The following EPS15L1 variants were observed in gnomAD, a reference collection of about 807,000 sequenced individuals.
EPS15L1 encodes epidermal growth factor receptor substrate 15-like 1.
In EPS15L1, 43 loss-of-function variants were observed where a neutral mutation model predicts 117.1. The observed-to-expected ratio is 0.37, with a 90% CI of 0.29 to 0.47. The LOEUF is 0.47. Ranked by LOEUF, EPS15L1 falls within the 20% of genes least tolerant of loss-of-function variation. The probability of loss-of-function intolerance (pLI) is 0.99; values close to 1 mark genes in which losing one functional copy is unlikely to be tolerated. For missense variants in EPS15L1, 981 were observed against 1,164.0 expected (o/e 0.84, Z 2.29); for synonymous variants, 459 against 470.5 (o/e 0.98, Z 0.32).
At chr19:16,416,641 T>TAA (rs765054072) in intron 12 of EPS15L1, among the ~76,000 whole-genome samples, 3 of 128,446 alleles carry the variant, frequency 2.3e-5, no homozygotes, top group East Asian at 2.2e-4. Flanking sequence ...TGTCTCAAAT[T>TAA]AAAAAAAAAA....
At chr19:16,417,040 A>G (rs771218910) in intron 12 of EPS15L1, among the ~76,000 whole-genome samples, 1 of 152,184 alleles carries the variant, frequency 6.6e-6, no homozygotes, top group Non-Finnish European at 1.5e-5. Flanking sequence ...CAATTGCCCT[A>G]GCTGTCAAGG....
intron 1 of EPS15L1, among the ~76,000 whole-genome samples, chr19:16,448,556 G>A (rs566809924): frequency 7.2e-6 from 1 of 138,342 alleles, no homozygotes; most frequent in South Asian, 2.3e-4. Context: ...AAGGGGGGGG[G>A]AGAAAGGCCG....
chr19:16,431,791 A>C (rs536544769), intron 7 of EPS15L1, among the ~76,000 whole-genome samples: 1 of 152,364 alleles, frequency 6.6e-6, no homozygotes, highest in East Asian at 1.9e-4. Context: ...GCATGTATCA[A>C]ACCACCACGT....
At chr19:16,392,608 A>C (rs1280409390) in intron 18 of EPS15L1, among the ~76,000 whole-genome samples, 168 bp from the exon 19 acceptor site, 3 of 152,206 alleles carry the variant, frequency 2.0e-5, no homozygotes, top group African/African-American at 7.2e-5. Flanking sequence ...GAGAGGGTGG[A>C]GGGTGACAAC....
At chr19:16,469,327 G>C (rs985982598) in intron 1 of EPS15L1, among the ~76,000 whole-genome samples, 8 of 152,156 alleles carry the variant, frequency 5.3e-5, no homozygotes, top group African/African-American at 1.9e-4. Context: ...AGACCGACGG[G>C]CTCCAGTGTT....
rs528087661 is a variant in EPS15L1 at position 16,370,767 on chromosome 19, C to T, written c.2380+6355G>A. 6.6e-6 allele frequency among the ~76,000 whole-genome samples: 1 copy of T among 152,218 alleles called. No individual in the cohort carries two copies. The highest frequency in any genetic ancestry group is 2.4e-5 in the African/African-American group (1 of 41,454). On this transcript the variant is annotated intron_variant, in intron 22 of 23. Transcript: ENST00000455140. The surrounding 1 kb of genome is among the most constrained non-coding windows in gnomAD (Gnocchi z 5.2). ...CTCAGAGTGGGACCGTTCCTTGGCACCGTCAGCAGGTCCCACCCAGCCCTA... is the reference window on the plus strand; with the variant it reads ...CTCAGAGTGGGACCGTTCCTTGGCATCGTCAGCAGGTCCCACCCAGCCCTA...
chr19:16,461,693 T>TTGA (rs1173956570), intron 1 of EPS15L1, among the ~76,000 whole-genome samples: 1 of 152,148 alleles, frequency 6.6e-6, no homozygotes, highest in Non-Finnish European at 1.5e-5. Context: ...GGCACACTTG[T>TTGA]TGATGTCACT....
intron 17 of EPS15L1, among the ~76,000 whole-genome samples, chr19:16,394,213 A>G (rs2092515356): frequency 6.6e-6 from 1 of 152,194 alleles, no homozygotes; most frequent in Non-Finnish European, 1.5e-5. Flanking sequence ...GTTTCTGGCT[A>G]GGATGTTTAA....
chr19:16,441,118 T>C, intron 3 of EPS15L1: 1 of 605,482 alleles, frequency 1.7e-6, no homozygotes, highest in South Asian at 1.8e-5. Context: ...CCAGAGGACA[T>C]CCAGGTGCAC....
At chr19:16,413,172 C>T in intron 13 of EPS15L1, 1 of 660,844 alleles carries the variant, frequency 1.5e-6, no homozygotes, top group Non-Finnish European at 2.8e-6. Context: ...ACTGGCCAAG[C>T]TCTCCATTGT....
chr19:16,470,876 C>T (rs1304853889), intron 1 of EPS15L1, among the ~76,000 whole-genome samples: 1 of 152,132 alleles, frequency 6.6e-6, no homozygotes. Flanking sequence ...GTTCTAAGCG[C>T]TTTTTCACGT....
At chr19:16,382,752 T>G (rs2092377041) in intron 21 of EPS15L1, among the ~76,000 whole-genome samples, 1 of 152,156 alleles carries the variant, frequency 6.6e-6, no homozygotes, top group Non-Finnish European at 1.5e-5. Flanking sequence ...GGCTTGATAC[T>G]GTCTAGAAAA....
chr19:16,366,729 G>A (rs1455901641), intron 22 of EPS15L1, among the ~76,000 whole-genome samples: 4 of 152,132 alleles, frequency 2.6e-5, no homozygotes, highest in Admixed American at 6.5e-5. Flanking sequence ...GAGGTCAGCC[G>A]AGTGCCCGGT....
At chr19:16,364,272 G>A (rs2092101423) in intron 22 of EPS15L1, among the ~76,000 whole-genome samples, 1 of 152,218 alleles carries the variant, frequency 6.6e-6, no homozygotes, top group Non-Finnish European at 1.5e-5. Context: ...GCCAAAACTT[G>A]TGGGCAAGCC....
Position 16,471,827 on chromosome 19 carries a change from T to C in EPS15L1, c.33+86A>G. On this transcript the variant is annotated intron_variant, in intron 1 of 23. Transcript: ENST00000455140. The surrounding 1 kb of genome is among the most constrained non-coding windows in gnomAD (Gnocchi z 4.8). ...CGCGCCGCCCCCGCCGCCGCCTGGC[T>C]GAGTCTCCCAGCGCCTCAGCCTCGC... 1 of 644,376 alleles carries C rather than the reference T, an allele frequency of 1.6e-6. No individual in the cohort carries two copies. Among genetic ancestry groups the C allele is most frequent in the Non-Finnish European group, 2.1e-6 (1 of 469,974 alleles). 39.9% of individuals were successfully genotyped at this position (644,376 alleles called of 1,614,324 possible).
At chr19:16,464,880 A>G (rs1198310784) in intron 1 of EPS15L1, among the ~76,000 whole-genome samples, 1 of 151,324 alleles carries the variant, frequency 6.6e-6, no homozygotes, top group Non-Finnish European at 1.5e-5. Context: ...TCAGATCGAG[A>G]CCATCCTGCC....
At position 16,371,690 on chromosome 19, in the gene EPS15L1, G is replaced by A. The variant is rs1252910952; in HGVS notation, c.2380+5432C>T. Among the ~76,000 whole-genome samples, 2 of 152,198 alleles carry A rather than the reference G, an allele frequency of 1.3e-5. No homozygotes were observed. Among genetic ancestry groups the A allele is most frequent in the African/African-American group, 2.4e-5 (1 of 41,442 alleles). On this transcript the variant is annotated intron_variant, in intron 22 of 23. Coordinates refer to ENST00000455140, the MANE Select transcript of EPS15L1 (RefSeq NM_001258374.3). The surrounding 1 kb of genome is among the most constrained non-coding windows in gnomAD (Gnocchi z 4.7). ...GGCAGGAAGTGGCAAGGGTGGGGCC[G>A]GTCGCAGGATCCCACTATCGCAGCA...
intron 1 of EPS15L1, among the ~76,000 whole-genome samples, chr19:16,462,168 C>G (rs1694768485): frequency 6.6e-6 from 1 of 152,208 alleles, no homozygotes; most frequent in African/African-American, 2.4e-5. Flanking sequence ...GTTTCCTCAT[C>G]TAGAAACAAG....
chr19:16,409,829 T>G (rs1218535333), intron 13 of EPS15L1, among the ~76,000 whole-genome samples: 3 of 151,166 alleles, frequency 2.0e-5, no homozygotes, highest in Non-Finnish European at 4.4e-5. Context: ...TCCCAGCTAC[T>G]TGGGAGGCTA....
Sources: allele counts gnomAD v4.1 joint callset (sites outside exome capture counted in the v4.1 genomes callset), GRCh38; gene constraint gnomAD v4.1.1; non-coding constraint Gnocchi (gnomAD v3.1); transcripts MANE v1.5; gene names NCBI Gene and HGNC (gene_info 2026-07-23, HGNC 2026-07-21).